ENKUR: variants seen among roughly 807,000 people sequenced by gnomAD.
The protein encoded by ENKUR is enkurin, TRPC channel interacting protein.
Under a neutral mutation model 27.6 loss-of-function variants are expected in ENKUR, and 19 were observed. That is an observed-to-expected ratio of 0.69 (90% confidence interval 0.48 to 1.01). The LOEUF (loss-of-function observed/expected upper bound fraction) is 1.01, where lower values mean the gene tolerates loss of function less well. ENKUR is among the 50% of genes least tolerant of loss of function. The pLI is 0.00. For missense variants in ENKUR, 312 were observed against 310.5 expected, an observed-to-expected ratio of 1.00 and a Z score of -0.04; for synonymous variants, 117 against 96.9, an observed-to-expected ratio of 1.21 and a Z score of -1.22.
At chr10:25,037,335 T>C (rs1054147476) in intron 2 of ENKUR, among the ~76,000 whole-genome samples, 1 of 152,178 alleles carries the variant, frequency 6.6e-6, no homozygotes, top group African/African-American at 2.4e-5. Flanking sequence ...CAGAAAGCAG[T>C]TGGCAGGTTC....
intron 2 of ENKUR, among the ~76,000 whole-genome samples, chr10:25,050,032 G>T (rs994541535): frequency 3.3e-5 from 5 of 152,094 alleles, no homozygotes. Flanking sequence ...AGGTGAAGGG[G>T]GAGGAGGCAT....
intron 4 of ENKUR, among the ~76,000 whole-genome samples, chr10:24,987,391 C>A (rs1271577495): frequency 3.3e-5 from 5 of 152,092 alleles, no homozygotes; most frequent in Non-Finnish European, 7.3e-5. Flanking sequence ...AATCCCAACA[C>A]TTTGAGAGGC....
intron 2 of ENKUR, among the ~76,000 whole-genome samples, chr10:25,022,531 A>G (rs1011910008): frequency 1.3e-5 from 2 of 152,226 alleles, no homozygotes; most frequent in African/African-American, 4.8e-5. Flanking sequence ...ATGATTCTTA[A>G]TATGCGTGTA....
intron 2 of ENKUR, among the ~76,000 whole-genome samples, chr10:25,035,486 TG>T: frequency 6.6e-6 from 1 of 150,748 alleles, no homozygotes; most frequent in East Asian, 2.0e-4. Flanking sequence ...ATCCAGGAGG[TG>T]GAGGTTGCAG....
intron 2 of ENKUR, among the ~76,000 whole-genome samples, chr10:24,998,622 C>A (rs1057466573): frequency 2.6e-5 from 4 of 151,902 alleles, no homozygotes; most frequent in African/African-American, 9.7e-5. Context: ...TGCCCTAAGA[C>A]ATCTGGGAAG....
chr10:25,047,251 C>T (rs1406417605), intron 2 of ENKUR, among the ~76,000 whole-genome samples: 1 of 152,120 alleles, frequency 6.6e-6, no homozygotes, highest in Non-Finnish European at 1.5e-5. Context: ...AAGCAGGATT[C>T]AACATCAGGA....
intron 2 of ENKUR, chr10:25,024,657 G>T: frequency 6.2e-7 from 1 of 1,614,194 alleles, no homozygotes; most frequent in South Asian, 1.1e-5. Context: ...GACTACTTCC[G>T]CAGGTAGTTT....
At chr10:25,057,389 ACACACAC>A (rs1337000987) in intron 2 of ENKUR, among the ~76,000 whole-genome samples, 7 of 111,822 alleles carry the variant, frequency 6.3e-5, no homozygotes, top group African/African-American at 2.4e-4. Flanking sequence ...GTACACACAC[ACACACAC>A]ACACACACAC....
intron 2 of ENKUR, among the ~76,000 whole-genome samples, chr10:25,057,443 G>A (rs966400623): frequency 2.6e-4 from 37 of 143,786 alleles, no homozygotes; most frequent in Non-Finnish European, 4.5e-4. Context: ...CCCTTAAATC[G>A]CTCTTCAGTT....
chr10:25,046,132 G>A (rs936255705), intron 2 of ENKUR, among the ~76,000 whole-genome samples: 1 of 152,122 alleles, frequency 6.6e-6, no homozygotes, highest in African/African-American at 2.4e-5. Context: ...CTTAGCAAAT[G>A]CTATGAGAGG....
In ENKUR at chr10:25,005,967, G is replaced by A. The variant is rs978775164; in HGVS notation, c.78-6421C>T. ...ATTGAGCACTTGAAATGTGGCTGGT[G>A]CCACATGCGGAAATCATAGTATTTT... On this transcript the variant is annotated intron_variant, in intron 1 of 5. Coordinates refer to ENST00000331161, the MANE Select transcript of ENKUR (RefSeq NM_145010.4). Among the ~76,000 whole-genome samples, 41 of 152,198 alleles carry A rather than the reference G, an allele frequency of 2.7e-4. 1 individual carries two copies. The highest frequency in any genetic ancestry group is 2.1e-4 in the South Asian group (1 of 4,832).
In ENKUR at chr10:25,059,886, G is replaced by A. The variant is rs960976652; in HGVS notation, c.37+1226C>T. On this transcript the variant is annotated intron_variant, in intron 2 of 5. Coordinates refer to the ENKUR transcript ENST00000615958. ...GTGGGGATGGAAGGAGGCTATGCCA[G>A]CTGGTATTGACATAAGGAGAGGCTA... Among the ~76,000 whole-genome samples, 9 of 152,236 alleles carry A rather than the reference G, an allele frequency of 5.9e-5. No individual in the cohort carries two copies. The East Asian group carries it at 1.4e-3, about 23-fold the overall frequency.
intron 2 of ENKUR, chr10:25,023,833 G>C (rs752220697): frequency 6.2e-7 from 1 of 1,614,206 alleles, no homozygotes. Context: ...TGTTTTCTGT[G>C]AAAGTGGGGC....
At chr10:25,053,296 GT>G (rs1709282462) in intron 2 of ENKUR, among the ~76,000 whole-genome samples, 1 of 152,044 alleles carries the variant, frequency 6.6e-6, no homozygotes, top group African/African-American at 2.4e-5. Flanking sequence ...CCTTTTTGTG[GT>G]GAGAACATTT....
intron 2 of ENKUR, chr10:25,024,602 A>G: frequency 6.2e-7 from 1 of 1,614,204 alleles, no homozygotes; most frequent in Non-Finnish European, 8.5e-7. Flanking sequence ...CTTACTGTGG[A>G]ATATGGAACA....
chr10:25,022,766 A>T (rs1400881848), intron 2 of ENKUR, among the ~76,000 whole-genome samples: 2 of 152,172 alleles, frequency 1.3e-5, no homozygotes. Flanking sequence ...TCCAACTCCA[A>T]ATCATCTTTA....
At chr10:25,001,867 T>C (rs191497876) in intron 1 of ENKUR, among the ~76,000 whole-genome samples, 1 of 152,350 alleles carries the variant, frequency 6.6e-6, no homozygotes. Flanking sequence ...TGTTTTCTCT[T>C]GGTTATGCAT....
At chr10:25,018,485 A>G (rs1424457863), upstream of ENKUR, among the ~76,000 whole-genome samples, 4 of 152,202 alleles carry the variant, frequency 2.6e-5, no homozygotes, top group African/African-American at 7.2e-5. Flanking sequence ...AAAGCAGCCA[A>G]AGACGGTACT....
intron 3 of ENKUR, among the ~76,000 whole-genome samples, chr10:24,993,478 T>C (rs1849972878): frequency 6.6e-6 from 1 of 152,242 alleles, no homozygotes; most frequent in Non-Finnish European, 1.5e-5. Context: ...CCTCATGTGA[T>C]CATCTATCCT....
Sources: allele counts gnomAD v4.1 joint callset (sites outside exome capture counted in the v4.1 genomes callset), GRCh38; gene constraint gnomAD v4.1.1; transcripts MANE v1.5; gene names NCBI Gene and HGNC (gene_info 2026-07-23, HGNC 2026-07-21).